Variants in PXDNL observed in about 807,000 individuals in gnomAD.
PXDNL encodes probable oxidoreductase PXDNL.
Under a neutral mutation model 150.8 loss-of-function variants are expected in PXDNL, and 145 were observed. The ratio of observed to expected loss-of-function variants is 0.96; its 90% confidence interval spans 0.84 to 1.10. The LOEUF (loss-of-function observed/expected upper bound fraction) is 1.10, where lower values mean the gene tolerates loss of function less well. Among genes scored for constraint, PXDNL ranks in the 50% least tolerant of loss-of-function variants. The pLI is 0.00. For missense variants in PXDNL, 2,087 were observed against 1,873.9 expected (o/e 1.11, Z -2.10); for synonymous variants, 757 against 725.7 (o/e 1.04, Z -0.69).
chr8:51,793,031 G>A (rs1362378133), intron 1 of PXDNL, among the ~76,000 whole-genome samples: 1 of 152,202 alleles, frequency 6.6e-6, no homozygotes, highest in Non-Finnish European at 1.5e-5. Context: ...CTGATTGGGT[G>A]AGACCCCCCA....
chr8:51,744,253 G>T (rs1313885955), intron 1 of PXDNL, among the ~76,000 whole-genome samples: 1 of 121,754 alleles, frequency 8.2e-6, no homozygotes, highest in Non-Finnish European at 1.7e-5. Flanking sequence ...GAGAGGAAAA[G>T]AAAGAAAAGA....
chr8:51,494,540 A>G (rs1402553461), intron 5 of PXDNL, among the ~76,000 whole-genome samples: 1 of 152,190 alleles, frequency 6.6e-6, no homozygotes, highest in African/African-American at 2.4e-5. Context: ...AACCCATCTC[A>G]CGTGCAGAGA....
intron 1 of PXDNL, among the ~76,000 whole-genome samples, chr8:51,665,845 CACCAACCAT>C (rs1815374016): frequency 6.6e-6 from 1 of 152,210 alleles, no homozygotes; most frequent in South Asian, 2.1e-4. Flanking sequence ...GATCTCCATA[CACCAACCAT>C]TTCATTCCTG....
intron 2 of PXDNL, among the ~76,000 whole-genome samples, chr8:51,641,145 T>C (rs893615606): frequency 1.3e-3 from 195 of 151,110 alleles, no homozygotes; most frequent in African/African-American, 4.4e-3. Context: ...GAAAACTGGC[T>C]AGCCATATGT....
intron 1 of PXDNL, among the ~76,000 whole-genome samples, chr8:51,762,693 A>G (rs547124311): frequency 6.6e-6 from 1 of 152,178 alleles, no homozygotes; most frequent in Admixed American, 6.5e-5. Flanking sequence ...TTGATGTCTC[A>G]TGTCTTCCTA....
At chr8:51,689,064 C>A (rs1190469279) in intron 1 of PXDNL, among the ~76,000 whole-genome samples, 1 of 152,176 alleles carries the variant, frequency 6.6e-6, no homozygotes, top group African/African-American at 2.4e-5. Context: ...GGGAATCACC[C>A]AACAGGCGCA....
At chr8:51,450,580 G>A (rs970344672) in intron 10 of PXDNL, among the ~76,000 whole-genome samples, 1 of 152,174 alleles carries the variant, frequency 6.6e-6, no homozygotes, top group Non-Finnish European at 1.5e-5. Flanking sequence ...TGTATTTGTT[G>A]CAAGTTTCAT....
At chr8:51,571,494 G>A (rs938513081) in intron 3 of PXDNL, among the ~76,000 whole-genome samples, 1 of 151,742 alleles carries the variant, frequency 6.6e-6, no homozygotes, top group East Asian at 1.9e-4. Flanking sequence ...GAGAGATTGT[G>A]CCCAACTGTA....
At chr8:51,447,954 A>G (rs1227385022) in intron 11 of PXDNL, among the ~76,000 whole-genome samples, 1 of 152,222 alleles carries the variant, frequency 6.6e-6, no homozygotes, top group Admixed American at 6.5e-5. Context: ...GGCAAACAGC[A>G]GTTAACAGGT....
intron 2 of PXDNL, among the ~76,000 whole-genome samples, chr8:51,601,602 C>T (rs921984072): frequency 1.3e-5 from 2 of 151,912 alleles, no homozygotes; most frequent in African/African-American, 2.4e-5. Context: ...TTGAGCCTAT[C>T]GGTGTCATCA....
intron 4 of PXDNL, among the ~76,000 whole-genome samples, chr8:51,509,234 G>A (rs546596475): frequency 9.2e-5 from 14 of 152,158 alleles, no homozygotes; most frequent in South Asian, 2.1e-4. Context: ...GCATCATGTC[G>A]TACATTATAA....
At chr8:51,578,156 G>GAAAT in intron 3 of PXDNL, among the ~76,000 whole-genome samples, 1 of 149,952 alleles carries the variant, frequency 6.7e-6, no homozygotes, top group Non-Finnish European at 1.5e-5. Context: ...GAGAAAGAAA[G>GAAAT]AGAAAGAAAG....
At chr8:51,483,098 G>A (rs1810639848) in intron 6 of PXDNL, among the ~76,000 whole-genome samples, 1 of 152,240 alleles carries the variant, frequency 6.6e-6, no homozygotes, top group Non-Finnish European at 1.5e-5. Flanking sequence ...TGAAGAGACA[G>A]CTGGAATGCA....
chr8:51,735,791 C>G (rs1817026466), intron 1 of PXDNL, among the ~76,000 whole-genome samples: 1 of 151,686 alleles, frequency 6.6e-6, no homozygotes, highest in Non-Finnish European at 1.5e-5. Context: ...CGTGATCCGC[C>G]CGCCTCGGCC....
At chr8:51,805,395 A>G (rs1017757379) in intron 1 of PXDNL, among the ~76,000 whole-genome samples, 2 of 148,146 alleles carry the variant, frequency 1.4e-5, no homozygotes, top group Non-Finnish European at 3.0e-5. Flanking sequence ...TTGCTGCCTC[A>G]GATTGCAGCT....
chr8:51,345,200 A>G (rs927557764), intron 20 of PXDNL, among the ~76,000 whole-genome samples: 4 of 152,216 alleles, frequency 2.6e-5, no homozygotes, highest in Non-Finnish European at 4.4e-5. Context: ...TCCTTATTCA[A>G]TGAAAAGGAG....
At chr8:51,449,679 G>A (rs1193511839) in intron 10 of PXDNL, among the ~76,000 whole-genome samples, 1 of 152,146 alleles carries the variant, frequency 6.6e-6, no homozygotes, top group Non-Finnish European at 1.5e-5. Flanking sequence ...ATAGCTAATA[G>A]CTGCATATGC....
chr8:51,636,242 C>A (rs1195264423), intron 2 of PXDNL, among the ~76,000 whole-genome samples: 1 of 152,080 alleles, frequency 6.6e-6, no homozygotes, highest in Non-Finnish European at 1.5e-5. Flanking sequence ...ATCCAGATAA[C>A]ATTATACTTA....
At chr8:51,482,014 AGGCCAAC>A (rs984636698) in intron 6 of PXDNL, among the ~76,000 whole-genome samples, 1 of 152,180 alleles carries the variant, frequency 6.6e-6, no homozygotes, top group African/African-American at 2.4e-5. Context: ...TGTGAGAAGA[AGGCCAAC>A]GTCCTCCAGA....
Sources: gnomAD v4.1 joint callset for allele counts (sites outside exome capture counted in the v4.1 genomes callset) on GRCh38, gnomAD v4.1.1 for gene constraint, MANE v1.5 for transcripts, NCBI Gene and HGNC (gene_info 2026-07-23, HGNC 2026-07-21) for gene names.